Variants in FBXW7 observed in about 807,000 individuals in gnomAD.
FBXW7 encodes the protein F-box and WD repeat domain containing 7.
FBXW7 carries 11 observed loss-of-function variants against 86.3 expected under a neutral mutation model. The observed-to-expected ratio is 0.13, with a 90% CI of 0.08 to 0.21. The LOEUF (loss-of-function observed/expected upper bound fraction) is 0.21, where lower values mean the gene tolerates loss of function less well. Ranked by LOEUF, FBXW7 falls within the 10% of genes least tolerant of loss-of-function variation. FBXW7 has a pLI of 1.00. For missense variants in FBXW7, 488 were observed against 847.4 expected (o/e 0.58, Z 5.27); for synonymous variants, 313 against 297.9 (o/e 1.05, Z -0.52).
rs148488604 is a variant in FBXW7, at chr4:152,447,633, C to A, written c.-119-35104G>T. Among the ~76,000 whole-genome samples, 14 of 152,232 alleles carry A rather than the reference C, an allele frequency of 9.2e-5. No homozygotes were observed. In the East Asian group the frequency reaches 2.7e-3, roughly 29 times the overall value. On this transcript the variant is annotated intron_variant, in intron 2 of 13. Transcript: ENST00000281708. Reference sequence around the variant, plus strand: ...ATATTAGATTTTTAATTTGCTATATCCTTAAACACTACTTTAAAATAGCTT... The same window carrying A: ...ATATTAGATTTTTAATTTGCTATATACTTAAACACTACTTTAAAATAGCTT...
intron 2 of FBXW7, among the ~76,000 whole-genome samples, chr4:152,497,374 C>CACACACAG (rs1240252269): frequency 2.8e-5 from 4 of 143,724 alleles, no homozygotes; most frequent in East Asian, 2.0e-4. Flanking sequence ...CACACACACA[C>CACACACAG]ACTATGAGAT....
In FBXW7 at chr4:152,335,015, A is replaced by C. The variant is rs575714377; in HGVS notation, c.862-2296T>G. 2.0e-5 allele frequency among the ~76,000 whole-genome samples: 3 copies of C among 152,336 alleles called. No individual in the cohort carries two copies. In the East Asian group the frequency reaches 5.8e-4, roughly 29 times the overall value. On this transcript the variant is annotated intron_variant, in intron 7 of 13. Coordinates refer to ENST00000281708, the MANE Select transcript of FBXW7 (RefSeq NM_001349798.2). ...CAAGGTTATGTCTTACAAGGTTTTG[A>C]ATTAAACTGCCAAGCCAAAAAGAGA... is the stretch of plus-strand genomic sequence containing the variant.
intron 2 of FBXW7, among the ~76,000 whole-genome samples, chr4:152,505,026 A>AT (rs1747283464): frequency 1.3e-5 from 2 of 152,216 alleles, no homozygotes; most frequent in Non-Finnish European, 2.9e-5. Flanking sequence ...TGTGAATATT[A>AT]CACAGTGCTT....
chr4:152,341,245 C>T (rs1730712154), intron 6 of FBXW7, among the ~76,000 whole-genome samples: 2 of 152,322 alleles, frequency 1.3e-5, no homozygotes, highest in African/African-American at 2.4e-5. Context: ...CAACACACTA[C>T]TTTCCCATTA....
At chr4:152,458,261 G>A (rs570798221) in intron 2 of FBXW7, among the ~76,000 whole-genome samples, 3 of 152,012 alleles carry the variant, frequency 2.0e-5, no homozygotes, top group South Asian at 2.1e-4. Flanking sequence ...CTCGTGATCC[G>A]CCCGCCTCAG....
intron 2 of FBXW7, among the ~76,000 whole-genome samples, chr4:152,477,164 T>C (rs1317338557): frequency 6.6e-6 from 1 of 152,006 alleles, no homozygotes; most frequent in East Asian, 1.9e-4. Flanking sequence ...CCACCATCCA[T>C]AAAACTACAA....
intron 2 of FBXW7, among the ~76,000 whole-genome samples, chr4:152,424,801 C>T (rs985952285): frequency 4.6e-5 from 7 of 152,130 alleles, no homozygotes; most frequent in African/African-American, 1.7e-4. Context: ...AGTTATTAGG[C>T]AAATAAAGTG....
intron 7 of FBXW7, among the ~76,000 whole-genome samples, chr4:152,335,474 C>G (rs977589475): frequency 6.6e-6 from 1 of 152,094 alleles, no homozygotes; most frequent in South Asian, 2.1e-4. Context: ...GTCTGTCCAA[C>G]CGCTATGGTA....
chr4:152,333,024 A>G (rs1304183843), intron 7 of FBXW7, among the ~76,000 whole-genome samples: 2 of 152,120 alleles, frequency 1.3e-5, no homozygotes, highest in South Asian at 2.1e-4. Context: ...TTTTTTAAAA[A>G]AAATGTTATT....
In FBXW7 at chr4:152,324,165, A is replaced by G. The variant is rs368866288; in HGVS notation, c.1855+19T>C. ...GATCTCATTTTTAATGAACAAAACGAAAGGTGAGTAAGACTTACCTTGCAA... is the reference window on the plus strand; with the variant it reads ...GATCTCATTTTTAATGAACAAAACGGAAGGTGAGTAAGACTTACCTTGCAA... On this transcript the variant is annotated intron_variant, in intron 13 of 13. Coordinates refer to ENST00000281708, the MANE Select transcript of FBXW7 (RefSeq NM_001349798.2). 140 of 1,584,116 alleles carry G rather than the reference A, an allele frequency of 8.8e-5. No homozygotes were observed. Among genetic ancestry groups the G allele is most frequent in the Non-Finnish European group, 1.1e-4 (127 of 1,155,522 alleles).
At chr4:152,529,675 T>C (rs17028963) in intron 2 of FBXW7, among the ~76,000 whole-genome samples, 6,353 of 152,134 alleles carry the variant, frequency 0.042, 436 homozygotes, top group African/African-American at 0.14. Flanking sequence ...CTTAAAAATA[T>C]AGCAATGCTG....
intron 4 of FBXW7, among the ~76,000 whole-genome samples, chr4:152,388,768 T>C (rs549897159): frequency 5.1e-4 from 77 of 152,310 alleles, no homozygotes; most frequent in African/African-American, 1.8e-3. Context: ...ATATAGACTA[T>C]CTGACTTCTC....
At chr4:152,365,985 TTA>T (rs1733441973) in intron 4 of FBXW7, among the ~76,000 whole-genome samples, 1 of 152,116 alleles carries the variant, frequency 6.6e-6, no homozygotes, top group South Asian at 2.1e-4. Flanking sequence ...TAAAAAATAT[TTA>T]TATGAGATAA....
At chr4:152,507,035 C>G (rs1015513053) in intron 2 of FBXW7, among the ~76,000 whole-genome samples, 1 of 152,136 alleles carries the variant, frequency 6.6e-6, no homozygotes, top group African/African-American at 2.4e-5. Flanking sequence ...AATTACACAC[C>G]ACAATGTTTC....
intron 2 of FBXW7, among the ~76,000 whole-genome samples, chr4:152,507,983 A>G (rs1195896190): frequency 1.3e-5 from 2 of 151,938 alleles, no homozygotes; most frequent in South Asian, 4.1e-4. Flanking sequence ...CAGGGGGATC[A>G]CTTGAGCCCA....
intron 7 of FBXW7, among the ~76,000 whole-genome samples, chr4:152,333,427 A>AT (rs1324741903): frequency 6.6e-6 from 1 of 152,102 alleles, no homozygotes; most frequent in Non-Finnish European, 1.5e-5. Context: ...CTTATAAACT[A>AT]TTGATTTTTT....
chr4:152,333,991 T>G (rs982323321), intron 7 of FBXW7, among the ~76,000 whole-genome samples: 1 of 151,812 alleles, frequency 6.6e-6, no homozygotes, highest in Admixed American at 6.6e-5. Context: ...CAGGTGGAGG[T>G]TGCAGTGAGC....
intron 2 of FBXW7, among the ~76,000 whole-genome samples, chr4:152,456,371 A>C (rs1368572403): frequency 2.0e-5 from 3 of 147,884 alleles, no homozygotes; most frequent in South Asian, 2.1e-4. Context: ...AAAAAAAAAA[A>C]AAAAAAAAAA....
chr4:152,355,145 T>C (rs1488941715), intron 4 of FBXW7, among the ~76,000 whole-genome samples: 1 of 152,154 alleles, frequency 6.6e-6, no homozygotes, highest in African/African-American at 2.4e-5. Flanking sequence ...ATGAAAACTG[T>C]GATCTATTAT....
Sources: allele counts gnomAD v4.1 joint callset (sites outside exome capture counted in the v4.1 genomes callset), GRCh38; gene constraint gnomAD v4.1.1; transcripts MANE v1.5; gene names NCBI Gene and HGNC (gene_info 2026-07-23, HGNC 2026-07-21).